Variants in SPMIP11 observed in about 807,000 individuals in gnomAD.
The protein encoded by SPMIP11 is sperm microtubule inner protein 11, also known as long intergenic non-protein coding RNA 935.
the SPMIP11 span, among the ~76,000 whole-genome samples, chr12:48,742,471 G>A: frequency 1.4e-4 from 21 of 151,290 alleles, no homozygotes; most frequent in Non-Finnish European, 8.8e-5. Flanking sequence ...CAGTAGAGAC[G>A]GGGTTTTACC....
the SPMIP11 span, among the ~76,000 whole-genome samples, chr12:48,752,969 G>T: frequency 6.6e-6 from 1 of 152,092 alleles, no homozygotes; most frequent in African/African-American, 2.4e-5. Context: ...ACTGTGCCAG[G>T]CCATCCTATT....
the SPMIP11 span, among the ~76,000 whole-genome samples, chr12:48,749,535 G>C: frequency 6.7e-6 from 1 of 149,820 alleles, no homozygotes; most frequent in African/African-American, 2.5e-5. Flanking sequence ...GGCTGAGGCA[G>C]GAGGCAGGAG....
the SPMIP11 span, chr12:48,768,861 C>A: frequency 6.4e-7 from 1 of 1,557,118 alleles, no homozygotes; most frequent in Non-Finnish European, 8.7e-7. Context: ...TACCCCTGTC[C>A]TAGCAGACTG....
the SPMIP11 span, among the ~76,000 whole-genome samples, chr12:48,756,584 C>T: frequency 6.6e-6 from 1 of 152,170 alleles, no homozygotes; most frequent in Non-Finnish European, 1.5e-5. Context: ...GAAGTGGCAT[C>T]TCCGCACTCC....
chr12:48,768,450 G>T, the SPMIP11 span: 5 of 1,250,964 alleles, frequency 4.0e-6, no homozygotes, highest in Non-Finnish European at 4.6e-6. Context: ...CATGATCCAA[G>T]CACAGCCTGC....
At chr12:48,727,586 A>G in the SPMIP11 span, 1 of 702,266 alleles carries the variant, frequency 1.4e-6, no homozygotes. Flanking sequence ...GTAGAGGGTT[A>G]GAAGGGCCAC....
chr12:48,770,410 T>C, the SPMIP11 span, among the ~76,000 whole-genome samples: 6 of 152,192 alleles, frequency 3.9e-5, no homozygotes, highest in Admixed American at 1.3e-4. Context: ...ATACCTCTTA[T>C]TGGACTGGTC....
chr12:48,728,037 C>T, the SPMIP11 span, among the ~76,000 whole-genome samples: 397 of 119,992 alleles, frequency 3.3e-3, 4 homozygotes, highest in Admixed American at 7.2e-3. Context: ...GGCGACAGAG[C>T]GAAACCATCT....
the SPMIP11 span, among the ~76,000 whole-genome samples, chr12:48,762,430 C>T: frequency 3.3e-5 from 4 of 122,264 alleles, no homozygotes; most frequent in South Asian, 8.5e-4. Flanking sequence ...TGCAATGGTG[C>T]GATCTCGGCT....
the SPMIP11 span, among the ~76,000 whole-genome samples, chr12:48,762,661 T>C: frequency 3.3e-5 from 5 of 151,772 alleles, no homozygotes; most frequent in Non-Finnish European, 7.4e-5. Flanking sequence ...AGCCACTGCA[T>C]CCGGCTCTTA....
chr12:48,761,182 C>G, the SPMIP11 span, among the ~76,000 whole-genome samples: 1 of 151,918 alleles, frequency 6.6e-6, no homozygotes, highest in African/African-American at 2.4e-5. Flanking sequence ...CACAGTGGCT[C>G]ATGCCTGTAA....
the SPMIP11 span, among the ~76,000 whole-genome samples, chr12:48,735,443 A>G: frequency 1.7e-4 from 26 of 152,144 alleles, no homozygotes; most frequent in African/African-American, 5.3e-4. Context: ...CACCCTCTCT[A>G]CTAAGGTGGC....
At chr12:48,736,582 A>C in the SPMIP11 span, among the ~76,000 whole-genome samples, 1 of 152,142 alleles carries the variant, frequency 6.6e-6, no homozygotes, top group Admixed American at 6.5e-5. Flanking sequence ...TTTTTCCCAA[A>C]CTGCCTATCC....
At chr12:48,768,912 C>T in the SPMIP11 span, 2 of 1,593,204 alleles carry the variant, frequency 1.3e-6, no homozygotes, top group South Asian at 2.3e-5. Context: ...ATGTTCCTCC[C>T]AGCCCCTGCT....
chr12:48,749,499 A>G, the SPMIP11 span, among the ~76,000 whole-genome samples: 322 of 150,886 alleles, frequency 2.1e-3, 1 homozygote, highest in Non-Finnish European at 4.2e-3. Context: ...ATGGTGGCGT[A>G]TGCCTGTAAT....
chr12:48,736,026 A>G, the SPMIP11 span: 1 of 425,556 alleles, frequency 2.3e-6, no homozygotes, highest in Non-Finnish European at 4.7e-6. Context: ...TATGTAAAAA[A>G]GTTTCACTGC....
chr12:48,742,886 A>G, the SPMIP11 span, among the ~76,000 whole-genome samples: 2 of 152,232 alleles, frequency 1.3e-5, no homozygotes, highest in African/African-American at 4.8e-5. Flanking sequence ...ACTCCATTTA[A>G]AAAAATAAAT....
the SPMIP11 span, among the ~76,000 whole-genome samples, chr12:48,753,642 G>T: frequency 6.7e-6 from 1 of 149,846 alleles, no homozygotes; most frequent in Non-Finnish European, 1.5e-5. Context: ...CCCATTCTTA[G>T]ACTCCAGCAG....
the SPMIP11 span, among the ~76,000 whole-genome samples, chr12:48,746,181 G>A: frequency 1.3e-5 from 2 of 152,074 alleles, no homozygotes; most frequent in African/African-American, 4.8e-5. Context: ...GCTGGCCTGG[G>A]GGCCAGATGT....
Sources: allele counts gnomAD v4.1 joint callset (sites outside exome capture counted in the v4.1 genomes callset), GRCh38; gene constraint gnomAD v4.1.1; transcripts MANE v1.5; gene names NCBI Gene and HGNC (gene_info 2026-07-23, HGNC 2026-07-21).